The following MSRB3 variants were observed in gnomAD, a reference collection of about 807,000 sequenced individuals.
MSRB3 encodes the protein methionine sulfoxide reductase B3.
A neutral mutation model predicts 21.0 loss-of-function variants in MSRB3; 13 were observed. That is an observed-to-expected ratio of 0.62 (90% CI 0.40 to 0.98). The LOEUF is 0.98. Ranked by LOEUF, MSRB3 falls within the 50% of genes least tolerant of loss-of-function variation. The pLI, the probability that MSRB3 is intolerant of heterozygous loss-of-function variation, is 0.00. For synonymous variants in MSRB3, 87 were observed against 88.6 expected, an observed-to-expected ratio of 0.98 and a Z score of 0.10; for missense variants, 199 against 230.3, an observed-to-expected ratio of 0.86 and a Z score of 0.88.
chr12:65,419,437 G>A, intron 5 of MSRB3: 2 of 748,514 alleles, frequency 2.7e-6, no homozygotes, highest in South Asian at 1.4e-5. Flanking sequence ...CTGCAGCTGA[G>A]TGACACTGGT....
intron 4 of MSRB3, among the ~76,000 whole-genome samples, chr12:65,364,762 G>T (rs982242810): frequency 2.6e-5 from 4 of 152,130 alleles, no homozygotes; most frequent in African/African-American, 9.7e-5. Context: ...GTATCTCTGT[G>T]TGTTTAAGTC....
chr12:65,330,425 G>C (rs1351154441), intron 4 of MSRB3, among the ~76,000 whole-genome samples: 2 of 152,092 alleles, frequency 1.3e-5, no homozygotes, highest in African/African-American at 4.8e-5. Context: ...TTAATTGTTT[G>C]CTTCTTTTTT....
chr12:65,463,083 T>C, intron 6 of MSRB3, 72 bp from the exon 7 acceptor site: 1 of 1,583,560 alleles, frequency 6.3e-7, no homozygotes, highest in African/African-American at 1.3e-5. Context: ...CCATTTAAAC[T>C]GCTTAATGTG....
chr12:65,362,356 G>A (rs1450949490), intron 4 of MSRB3, among the ~76,000 whole-genome samples: 3 of 152,152 alleles, frequency 2.0e-5, no homozygotes, highest in Non-Finnish European at 2.9e-5. Context: ...AGCATCACCA[G>A]CAGACTTTAC....
intron 4 of MSRB3, among the ~76,000 whole-genome samples, chr12:65,347,884 C>A (rs555622540): frequency 6.6e-6 from 1 of 152,122 alleles, no homozygotes; most frequent in Non-Finnish European, 1.5e-5. Flanking sequence ...TGCTGGATTA[C>A]GTTTACTGAT....
chr12:65,329,465 C>T (rs567785302), intron 4 of MSRB3, among the ~76,000 whole-genome samples: 299 of 152,016 alleles, frequency 2.0e-3, no homozygotes, highest in African/African-American at 6.9e-3. Flanking sequence ...GCCTGGCCAA[C>T]ATGGTGAAAC....
intron 1 of MSRB3, among the ~76,000 whole-genome samples, chr12:65,300,252 G>A (rs1873237134): frequency 6.6e-6 from 1 of 152,156 alleles, no homozygotes; most frequent in Non-Finnish European, 1.5e-5. Flanking sequence ...AAAATCTTTA[G>A]TTTTTGGTGT....
chr12:65,325,398 G>T (rs1359803761), intron 2 of MSRB3, among the ~76,000 whole-genome samples: 1 of 152,160 alleles, frequency 6.6e-6, no homozygotes, highest in East Asian at 1.9e-4. Flanking sequence ...GTCAGCAGAG[G>T]TGCTGTCTGA....
chr12:65,437,645 A>T (rs1207712164), intron 5 of MSRB3, among the ~76,000 whole-genome samples: 7 of 151,884 alleles, frequency 4.6e-5, no homozygotes, highest in Non-Finnish European at 8.8e-5. Context: ...CCAAGAAAAA[A>T]AAAAGCCAGC....
chr12:65,458,890 A>T (rs1185642040), intron 6 of MSRB3, among the ~76,000 whole-genome samples: 1 of 152,228 alleles, frequency 6.6e-6, no homozygotes, highest in East Asian at 1.9e-4. Flanking sequence ...ACTACTATGA[A>T]TAATTATTCA....
At chr12:65,433,634 GGTT>G (rs1226412346) in intron 5 of MSRB3, among the ~76,000 whole-genome samples, 1 of 151,818 alleles carries the variant, frequency 6.6e-6, no homozygotes, top group Admixed American at 6.6e-5. Flanking sequence ...CTTTCTCCAA[GGTT>G]GTTGTATGAT....
intron 1 of MSRB3, among the ~76,000 whole-genome samples, chr12:65,282,691 T>TTG (rs1247392594): frequency 8.6e-5 from 13 of 151,160 alleles, no homozygotes; most frequent in African/African-American, 3.2e-4. Flanking sequence ...TTTTTTTTTT[T>TTG]TTCTCTTCAT....
intron 5 of MSRB3, among the ~76,000 whole-genome samples, chr12:65,372,089 A>G: frequency 6.6e-6 from 1 of 152,236 alleles, no homozygotes; most frequent in Non-Finnish European, 1.5e-5. Flanking sequence ...CAGAAATTAT[A>G]GATGGTCTTG....
intron 5 of MSRB3, among the ~76,000 whole-genome samples, chr12:65,425,023 C>T (rs866860802): frequency 4.2e-3 from 119 of 28,076 alleles, no homozygotes; most frequent in Middle Eastern, 0.012. Context: ...TATTTAGGTC[C>T]TCTGGTTTTG....
At chr12:65,365,318 G>A (rs913209550) in intron 4 of MSRB3, among the ~76,000 whole-genome samples, 2 of 152,140 alleles carry the variant, frequency 1.3e-5, no homozygotes, top group Admixed American at 1.3e-4. Context: ...GTTGTGCCAG[G>A]CCCCCACTGT....
At chr12:65,433,539 A>G (rs919724596) in intron 5 of MSRB3, among the ~76,000 whole-genome samples, 4 of 151,780 alleles carry the variant, frequency 2.6e-5, no homozygotes, top group Non-Finnish European at 1.5e-5. Flanking sequence ...TGTGAGGGAG[A>G]TACTTTACAC....
At chr12:65,305,993 A>C (rs1228109800) in intron 1 of MSRB3, among the ~76,000 whole-genome samples, 3 of 152,232 alleles carry the variant, frequency 2.0e-5, no homozygotes, top group Non-Finnish European at 2.9e-5. Flanking sequence ...TGTACCAAGC[A>C]CTTTTAACCA....
chr12:65,375,071 T>G (rs953348986), intron 5 of MSRB3, among the ~76,000 whole-genome samples: 6 of 151,102 alleles, frequency 4.0e-5, no homozygotes, highest in African/African-American at 1.5e-4. Context: ...TAGTCAGATC[T>G]CCTGACCTCG....
intron 4 of MSRB3, among the ~76,000 whole-genome samples, chr12:65,366,161 A>T (rs1877999619): frequency 6.6e-6 from 1 of 152,180 alleles, no homozygotes; most frequent in South Asian, 2.1e-4. Flanking sequence ...GAGTTCTCTG[A>T]GCAGGAATGT....
Sources: allele counts gnomAD v4.1 joint callset (sites outside exome capture counted in the v4.1 genomes callset), GRCh38; gene constraint gnomAD v4.1.1; transcripts MANE v1.5; gene names NCBI Gene and HGNC (gene_info 2026-07-23, HGNC 2026-07-21).